Variants in KPNA4 observed in about 807,000 individuals in gnomAD.
KPNA4 encodes the protein importin subunit alpha-3.
In KPNA4, 13 loss-of-function variants were observed where a neutral mutation model predicts 71.3. The ratio of observed to expected loss-of-function variants is 0.18; its 90% CI spans 0.12 to 0.29. The LOEUF (loss-of-function observed/expected upper bound fraction) is 0.29, where lower values mean the gene tolerates loss of function less well. Ranked by LOEUF, KPNA4 falls within the 10% of genes least tolerant of loss-of-function variation. The pLI is 1.00. For synonymous variants in KPNA4, 189 were observed against 195.2 expected (o/e 0.97, Z 0.26); for missense variants, 334 against 603.2 (o/e 0.55, Z 4.67).
chr3:160,553,004 T>TA (rs1385706788), intron 1 of KPNA4, among the ~76,000 whole-genome samples: 33 of 152,074 alleles, frequency 2.2e-4, no homozygotes, highest in African/African-American at 8.0e-4. Context: ...TATTATTTTT[T>TA]AAAAAACATG....
chr3:160,563,584 G>A lies in KPNA4; in HGVS notation c.69+1630C>T, dbSNP rs529422937. Among the ~76,000 whole-genome samples the A allele has an allele frequency of 3.9e-5, 6 of 152,296 alleles. No homozygotes were observed. The South Asian group carries it at 1.0e-3, about 26-fold the overall frequency. The stretch of plus-strand genomic sequence containing the variant: ...AAATGTAGAGGAAAAAAGGGTTATA[G>A]GGATCTGTCAAGCACCTAATTGCTA... On this transcript the variant is annotated intron_variant, in intron 1 of 16. Coordinates refer to ENST00000334256, the MANE Select transcript of KPNA4 (RefSeq NM_002268.5).
chr3:160,531,087 A>G, intron 6 of KPNA4, 147 bp from the exon 7 acceptor site: 3 of 612,108 alleles, frequency 4.9e-6, no homozygotes, highest in Non-Finnish European at 8.6e-6. Flanking sequence ...TTAACCCTCA[A>G]CAACTGTTTA....
In KPNA4 at chr3:160,499,255, A is replaced by G. The variant is rs907706928; in HGVS notation, c.*2849T>C. The G allele has an allele frequency of 3.3e-5, 5 of 152,172 alleles. No homozygotes were observed. The highest frequency in any genetic ancestry group is 5.9e-5 in the Non-Finnish European group (4 of 68,022). 9.4% of individuals were successfully genotyped at this position (152,172 alleles called of 1,614,324 possible). Reference sequence around the variant, plus strand: ...AATTACTGAAGTCTTTGAAAATTACAAAGGAAATATATTTAAAGATAGATT... The same window carrying G: ...AATTACTGAAGTCTTTGAAAATTACGAAGGAAATATATTTAAAGATAGATT... On this transcript the variant is annotated 3_prime_UTR_variant, in exon 17 of 17. Transcript: ENST00000334256.
chr3:160,544,248 A>G (rs1033361839), intron 1 of KPNA4, among the ~76,000 whole-genome samples: 1 of 152,222 alleles, frequency 6.6e-6, no homozygotes, highest in African/African-American at 2.4e-5. Context: ...TGGCAAACAG[A>G]TGGTGTTCAA....
intron 1 of KPNA4, among the ~76,000 whole-genome samples, chr3:160,541,854 T>C (rs1721805684): frequency 6.6e-6 from 1 of 152,162 alleles, no homozygotes; most frequent in Admixed American, 6.5e-5. Context: ...TACAGAAATA[T>C]AACTTAGTAA....
intron 1 of KPNA4, among the ~76,000 whole-genome samples, chr3:160,544,964 T>C (rs1361918100): frequency 6.6e-6 from 1 of 152,188 alleles, no homozygotes; most frequent in Non-Finnish European, 1.5e-5. Flanking sequence ...CTGGAGAGAA[T>C]AGAAATCATT....
intron 13 of KPNA4, 150 bp from the exon 14 acceptor site, chr3:160,510,021 T>C (rs1721059504): frequency 6.5e-6 from 4 of 611,458 alleles, no homozygotes; most frequent in Admixed American, 3.1e-5. Context: ...AGACAGGTCT[T>C]TGAACTATTC....
Position 160,528,049 on chromosome 3 carries a change from G to GA in KPNA4, c.470-11dup, listed in dbSNP as rs770330652. 7 of 1,601,188 alleles carry GA rather than the reference G, an allele frequency of 4.4e-6. No homozygotes were observed. Among genetic ancestry groups the GA allele is most frequent in the Non-Finnish European group, 5.1e-6 (6 of 1,170,688 alleles). On this transcript the variant is annotated splice_polypyrimidine_tract_variant and intron_variant, in intron 7 of 16. Coordinates refer to ENST00000334256, the MANE Select transcript of KPNA4 (RefSeq NM_002268.5). ...AAAAGTGGCACAGCATCTGATGGAA[G>GA]AAAAAATAACAATACTTAAGGTTGA...
chr3:160,504,447 C>T (rs903527378), intron 16 of KPNA4, among the ~76,000 whole-genome samples: 1 of 152,126 alleles, frequency 6.6e-6, no homozygotes, highest in Non-Finnish European at 1.5e-5. Context: ...ACTTTAATTT[C>T]CACTACTATT....
rs528501611 is a variant in KPNA4 at position 160,500,125 on chromosome 3, T to TA, written c.*1978dup. 5.1e-3 allele frequency: 730 copies of TA among 142,394 alleles called. 5 individuals carry two copies. Among genetic ancestry groups the TA allele is most frequent in the East Asian group, 0.031 (152 of 4,978 alleles). The allele number at this position is 142,394 out of a possible 1,614,324, so 8.8% of individuals were successfully genotyped here. A position where few individuals can be genotyped will look rare whatever the true frequency, so the allele number is the denominator to read the frequency against. On this transcript the variant is annotated 3_prime_UTR_variant, in exon 17 of 17. Transcript: ENST00000334256. Reference sequence around the variant, plus strand: ...GCCATTGAATTATACTCTAACTTTATAAAAAAAAAAAAATCCACACACCAC... The same window carrying TA: ...GCCATTGAATTATACTCTAACTTTATAAAAAAAAAAAAAATCCACACACCAC...
At chr3:160,514,934 T>C (rs1331884135) in intron 12 of KPNA4, 1 of 518,308 alleles carries the variant, frequency 1.9e-6, no homozygotes, top group Non-Finnish European at 3.9e-6. Context: ...ACCATTTTAA[T>C]GAACCTGTTA....
chr3:160,508,193 T>G lies in KPNA4; in HGVS notation c.1286A>C (p.Gln429Pro). Residue 429 changes from glutamine (Q) to proline (P), a missense_variant, in exon 15 of 17, where the codon CAA becomes CCA. By Grantham distance (76) the Gln-to-Pro change is moderately conservative (BLOSUM62 -1). Coordinates refer to ENST00000334256, the MANE Select transcript of KPNA4 (RefSeq NM_002268.5). ...ATTACTTAGTCCATCGAGTACTACT[T>G]GCACAACTTGTGCATCTTTTACAGT... ...LLTVKDAQVV[Q>P]VVLDGLSNIL... is the part of the protein sequence containing the mutation. 1 of 1,612,774 alleles carries G rather than the reference T, an allele frequency of 6.2e-7. No homozygotes were observed. The highest frequency in any genetic ancestry group is 8.5e-7 in the Non-Finnish European group (1 of 1,179,486).
rs749899852 is a variant in KPNA4, at chr3:160,508,195, C to G, written c.1284G>C (p.Val428=). 9.3e-6 allele frequency: 15 copies of G among 1,612,402 alleles called. No individual in the cohort carries two copies. The highest frequency in any genetic ancestry group is 1.3e-5 in the Non-Finnish European group (15 of 1,179,332). ...NLLTVKDAQV[V]QVVLDGLSNI... ...TACTTAGTCCATCGAGTACTACTTG[C>G]ACAACTTGTGCATCTTTTACAGTCA... The change falls in exon 15 of 17, where the codon GTG becomes GTC. Residue 428 remains valine, a synonymous_variant. Transcript: ENST00000334256.
chr3:160,536,413 T>C (rs1249043743), intron 2 of KPNA4, among the ~76,000 whole-genome samples: 1 of 152,112 alleles, frequency 6.6e-6, no homozygotes, highest in Non-Finnish European at 1.5e-5. Flanking sequence ...ACTATAATAC[T>C]TAAAAGTTGA....
intron 10 of KPNA4, 65 bp from the exon 11 acceptor site, chr3:160,521,975 A>C: frequency 7.1e-7 from 1 of 1,402,942 alleles, no homozygotes; most frequent in Middle Eastern, 2.3e-4. Flanking sequence ...ATTCTTGACC[A>C]AACAACCATT....
chr3:160,517,785 T>G (rs940019322), intron 11 of KPNA4, among the ~76,000 whole-genome samples: 1 of 152,170 alleles, frequency 6.6e-6, no homozygotes, highest in African/African-American at 2.4e-5. Context: ...TACTCAAATA[T>G]TTTGCCAAGT....
chr3:160,543,355 C>CTGTAT (rs1721844940), intron 1 of KPNA4, among the ~76,000 whole-genome samples: 2 of 151,696 alleles, frequency 1.3e-5, no homozygotes, highest in Non-Finnish European at 2.9e-5. Context: ...CATTTTTTTC[C>CTGTAT]CCCGAGACAG....
At chr3:160,519,624 C>T (rs1721302707) in intron 11 of KPNA4, among the ~76,000 whole-genome samples, 1 of 150,956 alleles carries the variant, frequency 6.6e-6, no homozygotes, top group Non-Finnish European at 1.5e-5. Context: ...GAAACCCCGT[C>T]TCTACTAAAA....
chr3:160,548,217 T>A (rs928369655), intron 1 of KPNA4, among the ~76,000 whole-genome samples: 1 of 152,158 alleles, frequency 6.6e-6, no homozygotes, highest in South Asian at 2.1e-4. Context: ...TTTTTTTTTG[T>A]TGTTGTTGGT....
Sources: allele counts gnomAD v4.1 joint callset (sites outside exome capture counted in the v4.1 genomes callset), GRCh38; gene constraint gnomAD v4.1.1; transcripts MANE v1.5; gene names NCBI Gene and HGNC (gene_info 2026-07-23, HGNC 2026-07-21).